SAMMSON: variants seen among roughly 807,000 people sequenced by gnomAD.
The protein encoded by SAMMSON is survival associated mitochondrial melanoma specific oncogenic non-coding RNA, also known as long intergenic non-protein coding RNA 1212.
chr3:70,185,116 G>C (rs182211588), intron 4 of SAMMSON, among the ~76,000 whole-genome samples: 86 of 152,206 alleles, frequency 5.7e-4, no homozygotes, highest in Admixed American at 4.3e-3. Context: ...TTGGAAAATT[G>C]CAAAATTAAG....
intron 3 of SAMMSON, chr3:70,069,985 G>A (rs2067223941): frequency 6.6e-6 from 1 of 152,080 alleles, no homozygotes; most frequent in Admixed American, 6.6e-5. Flanking sequence ...TGAGTCAATT[G>A]AAGGATGTAT....
rs1249280717 is a variant in SAMMSON, at chr3:70,225,687, G to A, written n.508-23420G>A. 2.6e-5 allele frequency among the ~76,000 whole-genome samples: 4 copies of A among 152,134 alleles called. No homozygotes were observed. The East Asian group carries it at 7.7e-4, about 29-fold the overall frequency. ...CCTTCTAGATCAAAAGCAGTTTAGT[G>A]TTTCTTGAACACCCCCAAAATGAAA... On this transcript the variant is annotated intron_variant and non_coding_transcript_variant, in intron 4 of 9. Coordinates refer to ENST00000642114, the Ensembl canonical transcript of SAMMSON.
At chr3:70,373,621 C>G (rs1159563032) in intron 9 of SAMMSON, among the ~76,000 whole-genome samples, 1 of 152,124 alleles carries the variant, frequency 6.6e-6, no homozygotes, top group African/African-American at 2.4e-5. Context: ...TCATTATGGT[C>G]CAGTACATTC....
At chr3:70,325,271 A>G (rs549692921) in intron 7 of SAMMSON, among the ~76,000 whole-genome samples, 2 of 152,270 alleles carry the variant, frequency 1.3e-5, no homozygotes, top group East Asian at 3.9e-4. Flanking sequence ...ATCCTGCACA[A>G]TAAAGAACTG....
chr3:70,029,072 A>G (rs2067054134), intron 3 of SAMMSON, among the ~76,000 whole-genome samples: 1 of 152,200 alleles, frequency 6.6e-6, no homozygotes, highest in Admixed American at 6.5e-5. Context: ...TTGCAGGTGC[A>G]TGTAATTTAA....
At chr3:70,224,489 A>T (rs1174444106) in intron 4 of SAMMSON, among the ~76,000 whole-genome samples, 3 of 152,202 alleles carry the variant, frequency 2.0e-5, no homozygotes, top group Non-Finnish European at 4.4e-5. Context: ...TGTTGGCAGC[A>T]CTTAATGAGT....
intron 4 of SAMMSON, among the ~76,000 whole-genome samples, chr3:70,222,863 T>C (rs1035826425): frequency 3.3e-5 from 5 of 152,182 alleles, no homozygotes; most frequent in Non-Finnish European, 5.9e-5. Flanking sequence ...AGGAATGCTA[T>C]TTGCTATTGT....
chr3:70,267,170 T>G (rs1029394565), intron 6 of SAMMSON, among the ~76,000 whole-genome samples: 2 of 152,184 alleles, frequency 1.3e-5, no homozygotes, highest in Non-Finnish European at 1.5e-5. Context: ...TGATTGATTA[T>G]GTAGGGATTT....
chr3:70,040,542 C>T (rs985002353), intron 3 of SAMMSON, among the ~76,000 whole-genome samples: 1 of 152,142 alleles, frequency 6.6e-6, no homozygotes, highest in East Asian at 1.9e-4. Context: ...AGCTTTGTGA[C>T]TTGGTTGTCA....
chr3:70,025,758 G>A (rs1380771076), intron 3 of SAMMSON, among the ~76,000 whole-genome samples: 1 of 152,088 alleles, frequency 6.6e-6, no homozygotes, highest in Non-Finnish European at 1.5e-5. Context: ...CTGAGAACAT[G>A]CAGTCTGTTA....
chr3:70,311,433 C>T (rs183621795), intron 7 of SAMMSON, among the ~76,000 whole-genome samples: 1 of 152,160 alleles, frequency 6.6e-6, no homozygotes, highest in South Asian at 2.1e-4. Context: ...ACAGCATTCT[C>T]CCCTGGGAAG....
chr3:70,344,573 C>T (rs1702735707), intron 7 of SAMMSON, among the ~76,000 whole-genome samples: 1 of 152,216 alleles, frequency 6.6e-6, no homozygotes, highest in Non-Finnish European at 1.5e-5. Flanking sequence ...AGCTGGTTAA[C>T]ACTTAAGCTA....
chr3:70,034,390 C>A (rs1420071316), intron 3 of SAMMSON, among the ~76,000 whole-genome samples: 1 of 152,024 alleles, frequency 6.6e-6, no homozygotes, highest in Non-Finnish European at 1.5e-5. Flanking sequence ...GAATTGATTT[C>A]TTTGTGATTT....
chr3:70,315,898 C>T (rs967916748), intron 7 of SAMMSON, among the ~76,000 whole-genome samples: 4 of 152,044 alleles, frequency 2.6e-5, no homozygotes, highest in African/African-American at 9.7e-5. Context: ...AAATGATTCC[C>T]TGTACAAAGA....
At chr3:70,370,110 A>G (rs1702954414) in intron 9 of SAMMSON, among the ~76,000 whole-genome samples, 1 of 151,910 alleles carries the variant, frequency 6.6e-6, no homozygotes. Context: ...AATGGCTTCC[A>G]GTTCCATCCA....
At chr3:70,295,433 G>A (rs889287943) in intron 7 of SAMMSON, among the ~76,000 whole-genome samples, 3 of 152,106 alleles carry the variant, frequency 2.0e-5, no homozygotes, top group African/African-American at 7.2e-5. Context: ...CCCAGACATG[G>A]TGGCTTATTA....
chr3:70,088,605 C>T (rs532345756), intron 4 of SAMMSON, among the ~76,000 whole-genome samples: 17 of 152,246 alleles, frequency 1.1e-4, no homozygotes, highest in Admixed American at 9.8e-4. Flanking sequence ...GAAGGTGAGA[C>T]GGTAGCTGAG....
At chr3:70,245,671 T>TTATATATATATATA (rs34480688) in intron 4 of SAMMSON, among the ~76,000 whole-genome samples, 4 of 57,238 alleles carry the variant, frequency 7.0e-5, no homozygotes, top group Non-Finnish European at 1.0e-4. Flanking sequence ...GCAAACTGCT[T>TTATATATATATATA]TATATATATA....
intron 2 of SAMMSON, among the ~76,000 whole-genome samples, chr3:70,397,330 G>A (rs1011819616): frequency 4.0e-5 from 6 of 151,720 alleles, no homozygotes; most frequent in African/African-American, 1.5e-4. Context: ...TTTGGGACGG[G>A]GTCTCACTTC....
Sources: allele counts gnomAD v4.1 joint callset (sites outside exome capture counted in the v4.1 genomes callset), GRCh38; gene constraint gnomAD v4.1.1; transcripts MANE v1.5; gene names NCBI Gene and HGNC (gene_info 2026-07-23, HGNC 2026-07-21).